MICU2: variants seen among roughly 807,000 people sequenced by gnomAD.
The protein encoded by MICU2 is mitochondrial calcium uptake 2, also known as calcium uptake protein 2, mitochondrial.
A neutral mutation model predicts 60.4 loss-of-function variants in MICU2; 64 were observed. That is an observed-to-expected ratio of 1.06 (90% CI 0.87 to 1.31). The LOEUF (loss-of-function observed/expected upper bound fraction) is 1.31. Among genes scored for constraint, MICU2 ranks in the 50% most tolerant of loss-of-function variants. The pLI is 0.00. For missense variants in MICU2, 569 were observed against 531.0 expected, an observed-to-expected ratio of 1.07 and a Z score of -0.70; for synonymous variants, 201 against 175.0, an observed-to-expected ratio of 1.15 and a Z score of -1.17.
At chr13:21,502,875 C>T in intron 9 of MICU2, 51 bp downstream of exon 9, 1 of 1,520,074 alleles carries the variant, frequency 6.6e-7, no homozygotes, top group Non-Finnish European at 9.0e-7. Flanking sequence ...GTAAACATGT[C>T]TAACTTATTA....
At chr13:21,540,621 A>G (rs929417831) in intron 2 of MICU2, among the ~76,000 whole-genome samples, 1 of 152,202 alleles carries the variant, frequency 6.6e-6, no homozygotes, top group Non-Finnish European at 1.5e-5. Context: ...TTTTTACATT[A>G]TTAGTCAAAA....
chr13:21,579,700 C>A (rs974233364), intron 1 of MICU2, among the ~76,000 whole-genome samples: 4 of 152,138 alleles, frequency 2.6e-5, no homozygotes, highest in Admixed American at 6.5e-5. Context: ...GAAGATCTAG[C>A]ACAAATTTGC....
At chr13:21,549,791 A>G (rs1887507816) in intron 2 of MICU2, among the ~76,000 whole-genome samples, 1 of 152,322 alleles carries the variant, frequency 6.6e-6, no homozygotes, top group Admixed American at 6.5e-5. Context: ...ATATAACCAC[A>G]AGTATGCTGA....
At chr13:21,560,287 TTTGC>T (rs1743420474) in intron 2 of MICU2, among the ~76,000 whole-genome samples, 1 of 152,202 alleles carries the variant, frequency 6.6e-6, no homozygotes, top group African/African-American at 2.4e-5. Context: ...TTGAAAAATG[TTTGC>T]TTGTTTTCCA....
At position 21,539,393 on chromosome 13, in the gene MICU2, T is replaced by C. The variant is rs1468246192; in HGVS notation, c.391-16A>G. ...CCTCGATGTCCTTTGAATACACATATTAAAATTAAACTTCTAAAAGTTCAT... is the reference window on the plus strand; with the variant it reads ...CCTCGATGTCCTTTGAATACACATACTAAAATTAAACTTCTAAAAGTTCAT... On this transcript the variant is annotated splice_polypyrimidine_tract_variant and intron_variant, in intron 3 of 11. Transcript: ENST00000382374. The C allele has an allele frequency of 3.1e-6, 5 of 1,605,464 alleles. No homozygotes were observed. Among genetic ancestry groups the C allele is most frequent in the South Asian group, 1.1e-5 (1 of 89,180 alleles).
At chr13:21,573,280 GT>G (rs113206294) in intron 1 of MICU2, among the ~76,000 whole-genome samples, 8 of 57,140 alleles carry the variant, frequency 1.4e-4, no homozygotes, top group East Asian at 1.7e-3. Flanking sequence ...ACATTTTTTT[GT>G]TTTTTTTTTT....
intron 2 of MICU2, among the ~76,000 whole-genome samples, chr13:21,558,926 G>T (rs1053750654): frequency 6.6e-6 from 1 of 152,126 alleles, no homozygotes; most frequent in Non-Finnish European, 1.5e-5. Flanking sequence ...CGGTTTCTCT[G>T]GGAAGAAAGC....
At chr13:21,551,709 T>C (rs1158524991) in intron 2 of MICU2, among the ~76,000 whole-genome samples, 1 of 151,306 alleles carries the variant, frequency 6.6e-6, no homozygotes, top group Non-Finnish European at 1.5e-5. Context: ...GTCCTTGCGA[T>C]AGTTTGCTGA....
intron 1 of MICU2, among the ~76,000 whole-genome samples, chr13:21,576,705 C>A (rs1035718205): frequency 6.6e-6 from 1 of 152,178 alleles, no homozygotes; most frequent in Non-Finnish European, 1.5e-5. Context: ...ATGTGCTTCC[C>A]CAGCTTACAG....
At chr13:21,597,061 G>A (rs769789480) in intron 1 of MICU2, among the ~76,000 whole-genome samples, 3 of 151,802 alleles carry the variant, frequency 2.0e-5, no homozygotes, top group Non-Finnish European at 4.4e-5. Flanking sequence ...TGATAGCAAA[G>A]GACAAAATCT....
chr13:21,559,030 G>T (rs1472894104), intron 2 of MICU2, among the ~76,000 whole-genome samples: 1 of 152,162 alleles, frequency 6.6e-6, no homozygotes, highest in Admixed American at 6.5e-5. Context: ...GACAGGGTAG[G>T]GAGGGAGTTC....
chr13:21,550,899 G>A lies in MICU2; in HGVS notation c.359-11211C>T, dbSNP rs778367243. ...ACAATACTACTAAGTGGTGGAGTCA[G>A]TATTCAAACTCACTTTCTGTCCTAT... On this transcript the variant is annotated intron_variant, in intron 2 of 11. Coordinates refer to ENST00000382374, the MANE Select transcript of MICU2 (RefSeq NM_152726.3). 4.0e-4 allele frequency among the ~76,000 whole-genome samples: 61 copies of A among 152,236 alleles called. 1 individual carries two copies. The highest frequency in any genetic ancestry group is 3.9e-4 in the Admixed American group (6 of 15,290).
At chr13:21,499,775 G>A (rs1388270762) in intron 9 of MICU2, among the ~76,000 whole-genome samples, 4 of 151,670 alleles carry the variant, frequency 2.6e-5, no homozygotes, top group African/African-American at 7.3e-5. Flanking sequence ...TTATATCTTC[G>A]AGGATTTCAC....
intron 1 of MICU2, among the ~76,000 whole-genome samples, chr13:21,579,934 G>T (rs1356205175): frequency 2.0e-5 from 3 of 152,100 alleles, no homozygotes; most frequent in African/African-American, 4.8e-5. Flanking sequence ...AAGTTTTGCG[G>T]TTTTTTTGGT....
At chr13:21,508,117 G>A (rs1227192623) in intron 8 of MICU2, among the ~76,000 whole-genome samples, 2 of 150,284 alleles carry the variant, frequency 1.3e-5, no homozygotes, top group Non-Finnish European at 3.0e-5. Flanking sequence ...ACTAGTTCAA[G>A]GCTCTTCTTT....
At chr13:21,577,981 A>T (rs990939828) in intron 1 of MICU2, among the ~76,000 whole-genome samples, 1 of 133,678 alleles carries the variant, frequency 7.5e-6, no homozygotes, top group Non-Finnish European at 1.7e-5. Flanking sequence ...TCCAAAAAAA[A>T]TTTAAAATAA....
At chr13:21,517,797 A>ACGCG (rs764778244) in intron 6 of MICU2, among the ~76,000 whole-genome samples, 907 of 90,086 alleles carry the variant, frequency 0.01, 2 homozygotes, top group African/African-American at 0.012. Flanking sequence ...ACACACACAC[A>ACGCG]CACGCGCGCG....
intron 9 of MICU2, among the ~76,000 whole-genome samples, chr13:21,501,511 C>T (rs1886160616): frequency 6.6e-6 from 1 of 152,218 alleles, no homozygotes; most frequent in Non-Finnish European, 1.5e-5. Flanking sequence ...ATCTGCCCGC[C>T]TTGGCCTCCC....
Position 21,542,673 on chromosome 13 carries a change from G to A in MICU2, c.359-2985C>T, listed in dbSNP as rs182073104. Among the ~76,000 whole-genome samples the A allele has an allele frequency of 8.5e-5, 13 of 152,148 alleles. No homozygotes were observed. In the East Asian group the frequency reaches 1.9e-3, roughly 23 times the overall value. On this transcript the variant is annotated intron_variant, in intron 2 of 11. Transcript: ENST00000382374. ...AGGGGTTTTTGTTTTTGTAGGAGGC[G>A]GCATAGATCTTGAAGCACTAGGAAT...
Sources: gnomAD v4.1 joint callset for allele counts (sites outside exome capture counted in the v4.1 genomes callset) on GRCh38, gnomAD v4.1.1 for gene constraint, MANE v1.5 for transcripts, NCBI Gene and HGNC (gene_info 2026-07-23, HGNC 2026-07-21) for gene names.